INPP5D: variants seen among roughly 807,000 people sequenced by gnomAD.
INPP5D encodes inositol polyphosphate-5-phosphatase D.
Under a neutral mutation model 122.9 loss-of-function variants are expected in INPP5D, and 33 were observed. The observed-to-expected ratio is 0.27, with a 90% confidence interval of 0.20 to 0.36. The LOEUF is 0.36. Ranked by LOEUF, INPP5D falls within the 10% of genes least tolerant of loss-of-function variation. The pLI is 1.00. For missense variants in INPP5D, 1,053 were observed against 1,412.7 expected (o/e 0.75, Z 4.08); for synonymous variants, 584 against 576.2 (o/e 1.01, Z -0.19).
intron 1 of INPP5D, among the ~76,000 whole-genome samples, chr2:233,066,466 A>C (rs1398117271): frequency 6.6e-6 from 1 of 152,206 alleles, no homozygotes; most frequent in Non-Finnish European, 1.5e-5. Flanking sequence ...TGCATTTGCA[A>C]AATGCTAACC....
intron 23 of INPP5D, 144 bp downstream of exon 23, chr2:233,194,105 C>A: frequency 7.4e-7 from 1 of 1,345,336 alleles, no homozygotes; most frequent in South Asian, 1.6e-5. Context: ...CTCAGACAAT[C>A]TGGCCCAACC....
At chr2:233,090,619 C>G (rs1182137865) in intron 2 of INPP5D, among the ~76,000 whole-genome samples, 1 of 152,120 alleles carries the variant, frequency 6.6e-6, no homozygotes, top group Non-Finnish European at 1.5e-5. Flanking sequence ...AGAACATAGT[C>G]CCAGCCTTTA....
chr2:233,060,512 C>G lies in INPP5D; in HGVS notation c.34C>G (p.Arg12Gly). ...CTGCTGGAACCATGGCAACATCACCCGCTCCAAGGCGGAGGAGCTGCTTTC... is the reference window on the plus strand; with the variant it reads ...CTGCTGGAACCATGGCAACATCACCGGCTCCAAGGCGGAGGAGCTGCTTTC... ...VPCWNHGNIT[R>G]SKAEELLSRT... The change falls in exon 1 of 27, where the codon CGC (arginine) becomes GGC (glycine). Residue 12 changes from arginine (R) to glycine (G), a missense_variant. This residue lies in a region of INPP5D where 74 missense variants were observed against 146.6 expected (regional missense o/e 0.50). Coordinates refer to ENST00000445964, the MANE Select transcript of INPP5D (RefSeq NM_001017915.3). The G allele has an allele frequency of 3.1e-6, 5 of 1,613,000 alleles. No individual in the cohort carries two copies. The highest frequency in any genetic ancestry group is 4.2e-6 in the Non-Finnish European group (5 of 1,179,418).
chr2:233,071,812 C>G (rs1034550074), intron 1 of INPP5D, among the ~76,000 whole-genome samples: 1 of 152,138 alleles, frequency 6.6e-6, no homozygotes, highest in Non-Finnish European at 1.5e-5. Context: ...TGATAACATA[C>G]AGGGAAGTTT....
intron 14 of INPP5D, 107 bp from the exon 15 acceptor site, chr2:233,169,919 C>G (rs1574782887): frequency 1.3e-6 from 2 of 1,567,642 alleles, no homozygotes; most frequent in East Asian, 4.5e-5. Flanking sequence ...CACTTCCCCC[C>G]ACCTGCTATG....
chr2:233,129,169 AAAATAAAT>A (rs755463530), intron 4 of INPP5D, among the ~76,000 whole-genome samples: 12 of 152,032 alleles, frequency 7.9e-5, no homozygotes, highest in Non-Finnish European at 1.5e-4. Flanking sequence ...CTGTCTCAAA[AAAATAAAT>A]AAATAAATAA....
intron 2 of INPP5D, among the ~76,000 whole-genome samples, chr2:233,083,868 T>C (rs2106214230): frequency 6.6e-6 from 1 of 152,290 alleles, no homozygotes; most frequent in East Asian, 1.9e-4. Context: ...CTACAACCTT[T>C]TGGCCCTTGC....
At chr2:233,187,495 G>A (rs1043391114) in intron 21 of INPP5D, among the ~76,000 whole-genome samples, 1 of 152,206 alleles carries the variant, frequency 6.6e-6, no homozygotes, top group Non-Finnish European at 1.5e-5. Flanking sequence ...CCTGAGACTG[G>A]GGTAGGATGT....
At chr2:233,066,224 C>T (rs1231206316) in intron 1 of INPP5D, among the ~76,000 whole-genome samples, 1 of 152,002 alleles carries the variant, frequency 6.6e-6, no homozygotes, top group Non-Finnish European at 1.5e-5. Flanking sequence ...GAAGTGCTGG[C>T]ATTACAAGTG....
intron 1 of INPP5D, among the ~76,000 whole-genome samples, chr2:233,067,873 G>T (rs1559271008): frequency 6.6e-6 from 1 of 152,232 alleles, no homozygotes; most frequent in Non-Finnish European, 1.5e-5. Context: ...AAACAGGGTT[G>T]TTTGTCTTTT....
chr2:233,152,841 C>A (rs1693954172), intron 9 of INPP5D, among the ~76,000 whole-genome samples: 1 of 147,488 alleles, frequency 6.8e-6, no homozygotes, highest in African/African-American at 2.6e-5. Flanking sequence ...ATGCAGCAAG[C>A]CACTATTAGG....
At chr2:233,178,066 A>T (rs912012607) in intron 18 of INPP5D, among the ~76,000 whole-genome samples, 1 of 152,196 alleles carries the variant, frequency 6.6e-6, no homozygotes, top group Admixed American at 6.5e-5. Context: ...AATTGAGTTA[A>T]ATTGATTTTT....
chr2:233,124,276 AC>A (rs1269830459), intron 3 of INPP5D, among the ~76,000 whole-genome samples: 1 of 151,994 alleles, frequency 6.6e-6, no homozygotes, highest in Non-Finnish European at 1.5e-5. Context: ...AGACGCTGAG[AC>A]CCTTGCCTGG....
At chr2:233,137,388 T>C (rs1314651659) in intron 5 of INPP5D, among the ~76,000 whole-genome samples, 1 of 151,642 alleles carries the variant, frequency 6.6e-6, no homozygotes, top group Non-Finnish European at 1.5e-5. Context: ...TCCTTAATAA[T>C]GCAATATGAA....
intron 2 of INPP5D, among the ~76,000 whole-genome samples, chr2:233,088,248 T>C (rs1395959455): frequency 6.6e-6 from 1 of 152,234 alleles, no homozygotes; most frequent in Non-Finnish European, 1.5e-5. Context: ...GTGCTGGGAT[T>C]ACAGGCATGA....
chr2:233,084,443 GA>G (rs370241371), intron 2 of INPP5D, among the ~76,000 whole-genome samples: 11 of 152,182 alleles, frequency 7.2e-5, no homozygotes, highest in Admixed American at 2.0e-4. Context: ...CGATTTGGAA[GA>G]AAAAATCCAG....
chr2:233,149,988 T>C (rs964547766), intron 9 of INPP5D, among the ~76,000 whole-genome samples: 2 of 152,168 alleles, frequency 1.3e-5, no homozygotes, highest in African/African-American at 2.4e-5. Flanking sequence ...ATAGCTGTCA[T>C]AGTCCTGCAG....
chr2:233,076,865 G>T (rs1691532705), intron 1 of INPP5D, among the ~76,000 whole-genome samples: 1 of 152,346 alleles, frequency 6.6e-6, no homozygotes, highest in African/African-American at 2.4e-5. Context: ...ATAACAGCCA[G>T]TTGGCAGGGT....
chr2:233,097,974 C>T (rs1223334475), intron 2 of INPP5D, among the ~76,000 whole-genome samples: 1 of 151,976 alleles, frequency 6.6e-6, no homozygotes, highest in African/African-American at 2.4e-5. Context: ...CAACCTGCAC[C>T]TCCCAGGTTC....
Sources: allele counts gnomAD v4.1 joint callset (sites outside exome capture counted in the v4.1 genomes callset), GRCh38; gene constraint gnomAD v4.1.1; regional missense constraint gnomAD v4.1.1; transcripts MANE v1.5; gene names NCBI Gene and HGNC (gene_info 2026-07-23, HGNC 2026-07-21).